TBC1D9: variants seen among roughly 807,000 people sequenced by gnomAD.
The protein encoded by TBC1D9 is TBC1 domain family member 9A.
A neutral mutation model predicts 132.0 loss-of-function variants in TBC1D9; 63 were observed. The ratio of observed to expected loss-of-function variants is 0.48; its 90% CI spans 0.39 to 0.59. The LOEUF (loss-of-function observed/expected upper bound fraction) is 0.59, where lower values mean the gene tolerates loss of function less well. TBC1D9 is among the 20% of genes least tolerant of loss of function. TBC1D9 has a pLI of 0.00. For missense variants in TBC1D9, 1,261 were observed against 1,592.7 expected (o/e 0.79, Z 3.54); for synonymous variants, 610 against 609.9 (o/e 1.00, Z 0.00).
chr4:140,632,708 C>T (rs1406733647), intron 16 of TBC1D9, among the ~76,000 whole-genome samples: 2 of 152,104 alleles, frequency 1.3e-5, no homozygotes, highest in Non-Finnish European at 2.9e-5. Flanking sequence ...ATAAGAGTAA[C>T]AGCACAAACT....
intron 16 of TBC1D9, among the ~76,000 whole-genome samples, chr4:140,630,599 G>A (rs1290359776): frequency 6.6e-6 from 1 of 152,158 alleles, no homozygotes; most frequent in Non-Finnish European, 1.5e-5. Flanking sequence ...AATAAACCTG[G>A]TTTTCTTCCC....
At position 140,679,643 on chromosome 4, in the gene TBC1D9, G is replaced by A. The variant is rs1006810938; in HGVS notation, c.561C>T (p.Cys187=). The change falls in exon 4 of 21, where the codon TGC becomes TGT. Residue 187 remains cysteine, a synonymous_variant. Coordinates refer to ENST00000442267, the MANE Select transcript of TBC1D9 (RefSeq NM_015130.3). ...CCCTTCCCATAAGAAAAGAATAAAA[G>A]CAAAGGTGGTTAATGCTGAGGTACA... The part of the protein sequence containing the change: ...GWMYLSINHL[C]FYSFLMGREA... 3.7e-6 allele frequency: 6 copies of A among 1,613,604 alleles called. No homozygotes were observed. The highest frequency in any genetic ancestry group is 4.2e-6 in the Non-Finnish European group (5 of 1,179,682).
At chr4:140,710,459 AAGAG>A (rs1348966848) in intron 1 of TBC1D9, among the ~76,000 whole-genome samples, 3 of 152,172 alleles carry the variant, frequency 2.0e-5, no homozygotes, top group Non-Finnish European at 4.4e-5. Flanking sequence ...AATGCTCAAC[AAGAG>A]AGAGAGAAGC....
chr4:140,714,803 G>T (rs1159003424), intron 1 of TBC1D9, among the ~76,000 whole-genome samples: 1 of 152,138 alleles, frequency 6.6e-6, no homozygotes, highest in Non-Finnish European at 1.5e-5. Context: ...ACTAGAGTCA[G>T]GTTGGAATTA....
intron 3 of TBC1D9, among the ~76,000 whole-genome samples, chr4:140,683,132 C>T (rs1402598626): frequency 6.6e-6 from 1 of 152,156 alleles, no homozygotes; most frequent in Non-Finnish European, 1.5e-5. Context: ...CCTGCCTCAG[C>T]CTCCCAAAGT....
At chr4:140,656,211 A>T (rs1737270357) in intron 13 of TBC1D9, among the ~76,000 whole-genome samples, 1 of 152,180 alleles carries the variant, frequency 6.6e-6, no homozygotes, top group African/African-American at 2.4e-5. Context: ...TATAGTCTCA[A>T]TGTTTTTATT....
In TBC1D9 at chr4:140,642,974, G is replaced by C. The variant is rs1444639649; in HGVS notation, c.2338-3546C>G. 7 of 668,560 alleles carry C rather than the reference G, an allele frequency of 1.0e-5. No homozygotes were observed. In the East Asian group the frequency reaches 1.4e-4, roughly 13 times the overall value. 41.4% of individuals were successfully genotyped at this position (668,560 alleles called of 1,614,324 possible). On this transcript the variant is annotated intron_variant, in intron 13 of 20. Transcript: ENST00000442267. ...TCTCCTTGTACTGGTGCTGGACCTC[G>C]GCCCGCCACATTCTGAAGTCCAGTT...
intron 1 of TBC1D9, among the ~76,000 whole-genome samples, chr4:140,754,614 CAAAAAAAAAAAAAA>C (rs34471976): frequency 1.3e-4 from 3 of 23,260 alleles, no homozygotes; most frequent in Non-Finnish European, 1.4e-4. Flanking sequence ...GACTCTGTCT[CAAAAAAAAAAAAAA>C]AAAAAAAAAA....
At chr4:140,748,717 A>G (rs1193282914) in intron 1 of TBC1D9, among the ~76,000 whole-genome samples, 1 of 152,218 alleles carries the variant, frequency 6.6e-6, no homozygotes, top group Non-Finnish European at 1.5e-5. Flanking sequence ...ATATCCTTCA[A>G]GAAAGAAAGC....
At chr4:140,705,710 C>T (rs1185501107) in intron 1 of TBC1D9, among the ~76,000 whole-genome samples, 1 of 152,168 alleles carries the variant, frequency 6.6e-6, no homozygotes, top group Non-Finnish European at 1.5e-5. Context: ...ACTGCAAAAG[C>T]AGCAACAATT....
intron 13 of TBC1D9, 55 bp from the exon 14 acceptor site, chr4:140,639,483 C>T (rs761631777): frequency 1.4e-4 from 176 of 1,251,612 alleles, no homozygotes; most frequent in Non-Finnish European, 1.9e-4. Flanking sequence ...CACACAATGT[C>T]CTGTCTGCAG....
chr4:140,637,332 A>G (rs994669867), intron 15 of TBC1D9, among the ~76,000 whole-genome samples: 1 of 151,744 alleles, frequency 6.6e-6, no homozygotes, highest in Non-Finnish European at 1.5e-5. Context: ...CCTGGGTGAC[A>G]GAACGAGACT....
chr4:140,629,409 G>C (rs1736758452), intron 16 of TBC1D9, among the ~76,000 whole-genome samples: 1 of 152,130 alleles, frequency 6.6e-6, no homozygotes, highest in South Asian at 2.1e-4. Flanking sequence ...ACTCAAAAAT[G>C]GTTTAGAACT....
chr4:140,735,183 T>G (rs1738653490), intron 1 of TBC1D9, among the ~76,000 whole-genome samples: 1 of 152,198 alleles, frequency 6.6e-6, no homozygotes, highest in Admixed American at 6.5e-5. Flanking sequence ...CTAAGGCCCT[T>G]TGAAAGATGA....
chr4:140,647,150 A>G (rs1264311795), intron 13 of TBC1D9, among the ~76,000 whole-genome samples: 1 of 152,234 alleles, frequency 6.6e-6, no homozygotes, highest in East Asian at 1.9e-4. Flanking sequence ...ACAGAAGGAA[A>G]GACAGTTTTA....
chr4:140,688,099 GA>G (rs1026071355), intron 2 of TBC1D9, among the ~76,000 whole-genome samples: 10 of 145,274 alleles, frequency 6.9e-5, no homozygotes, highest in East Asian at 4.0e-4. Context: ...CTAAAAGAAA[GA>G]AAAAAAAAAG....
chr4:140,736,751 A>G (rs963256526), intron 1 of TBC1D9, among the ~76,000 whole-genome samples: 3 of 152,190 alleles, frequency 2.0e-5, no homozygotes, highest in Admixed American at 2.0e-4. Flanking sequence ...CTGTAGGGTT[A>G]GCCATGCTAT....
chr4:140,662,106 A>G lies in TBC1D9; in HGVS notation c.1590T>C (p.Gly530=). 1 of 1,611,666 alleles carries G rather than the reference A, an allele frequency of 6.2e-7. No individual in the cohort carries two copies. The highest frequency in any genetic ancestry group is 8.5e-7 in the Non-Finnish European group (1 of 1,177,804). ...GATGTGTGGCCTTCTCATTGATGGCACCTGAGATATATCCAACAGATACAG... is the reference window on the plus strand; with the variant it reads ...GATGTGTGGCCTTCTCATTGATGGCGCCTGAGATATATCCAACAGATACAG... ...MRGELWLLLS[G]AINEKATHPG... is the part of the protein sequence containing the mutation. The change falls in exon 10 of 21, where the codon GGT becomes GGC. Residue 530 remains glycine (G), a splice_region_variant and synonymous_variant. Coordinates refer to ENST00000442267, the MANE Select transcript of TBC1D9 (RefSeq NM_015130.3).
chr4:140,634,555 T>C (rs1004871069), intron 15 of TBC1D9, among the ~76,000 whole-genome samples: 1 of 152,150 alleles, frequency 6.6e-6, no homozygotes, highest in Non-Finnish European at 1.5e-5. Context: ...TTAAATAGAA[T>C]GCTACTTGAA....
Sources: allele counts gnomAD v4.1 joint callset (sites outside exome capture counted in the v4.1 genomes callset), GRCh38; gene constraint gnomAD v4.1.1; transcripts MANE v1.5; gene names NCBI Gene and HGNC (gene_info 2026-07-23, HGNC 2026-07-21).